The following GALNT17 variants were observed in gnomAD, a reference collection of about 807,000 sequenced individuals.
GALNT17 encodes the protein UDP-GalNAc:polypeptide N-acetylgalactosaminyltransferase-like 3.
Under a neutral mutation model 63.7 loss-of-function variants are expected in GALNT17, and 29 were observed. The ratio of observed to expected loss-of-function variants is 0.46; its 90% confidence interval spans 0.34 to 0.62. The LOEUF is 0.62. Ranked by LOEUF, GALNT17 falls within the 20% of genes least tolerant of loss-of-function variation. The pLI, the probability that GALNT17 is intolerant of heterozygous loss-of-function variation, is 0.01. For missense variants in GALNT17, 603 were observed against 799.6 expected, an observed-to-expected ratio of 0.75 and a Z score of 2.97; for synonymous variants, 305 against 318.3, an observed-to-expected ratio of 0.96 and a Z score of 0.45.
At chr7:71,442,363 AT>A (rs1165680135) in intron 5 of GALNT17, among the ~76,000 whole-genome samples, 7 of 151,788 alleles carry the variant, frequency 4.6e-5, no homozygotes, top group Non-Finnish European at 1.0e-4. Flanking sequence ...TGCCCGGCTA[AT>A]TTTTTTGTAT....
intron 9 of GALNT17, among the ~76,000 whole-genome samples, chr7:71,703,833 A>G (rs1791686447): frequency 6.6e-6 from 1 of 152,162 alleles, no homozygotes; most frequent in Admixed American, 6.6e-5. Flanking sequence ...GACCGAAGGA[A>G]ATGAGAGTGA....
chr7:71,184,049 G>A (rs913827176), intron 1 of GALNT17, among the ~76,000 whole-genome samples: 1 of 152,104 alleles, frequency 6.6e-6, no homozygotes, highest in East Asian at 1.9e-4. Context: ...AGATACGGTC[G>A]TTAACGAGGT....
At chr7:71,402,809 G>C (rs1474238971) in intron 3 of GALNT17, among the ~76,000 whole-genome samples, 1 of 151,178 alleles carries the variant, frequency 6.6e-6, no homozygotes. Context: ...GAGAAGTCTT[G>C]TGTTTCCAAG....
At chr7:71,631,073 T>G (rs1326010042) in intron 6 of GALNT17, among the ~76,000 whole-genome samples, 1 of 152,080 alleles carries the variant, frequency 6.6e-6, no homozygotes, top group Non-Finnish European at 1.5e-5. Context: ...AGCAAATAAA[T>G]ACATAATTTG....
intron 6 of GALNT17, among the ~76,000 whole-genome samples, chr7:71,632,130 C>G (rs1476037926): frequency 6.6e-6 from 1 of 151,996 alleles, no homozygotes; most frequent in Non-Finnish European, 1.5e-5. Flanking sequence ...CTGAGAGAGC[C>G]CTTTCTTCAG....
chr7:71,300,373 C>G (rs1056541627), intron 1 of GALNT17: 17 of 445,338 alleles, frequency 3.8e-5, no homozygotes, highest in African/African-American at 2.0e-4. Context: ...TCTTGGTGTG[C>G]TGGCAGACAC....
intron 5 of GALNT17, among the ~76,000 whole-genome samples, chr7:71,570,397 C>A (rs1182083691): frequency 6.6e-6 from 1 of 152,142 alleles, no homozygotes; most frequent in East Asian, 1.9e-4. Flanking sequence ...TTTCTTCCAG[C>A]ATAACGTGGA....
Position 71,377,111 on chromosome 7 carries a change from AAAAATATAT to A in GALNT17, c.423-11122_423-11114del, listed in dbSNP as rs1563047541. 3.3e-3 allele frequency among the ~76,000 whole-genome samples: 256 copies of A among 78,690 alleles called. 15 individuals are homozygous for A. The highest frequency in any genetic ancestry group is 4.9e-3 in the Non-Finnish European group (198 of 40,588). The allele number at this position is 78,690 out of a possible 152,430, so 51.6% of individuals were successfully genotyped here. ...AAAAAAAAAAAAAAATAAAAATAAAAAAAATATATATATATATATATATATATATAAAAT... is the reference window on the plus strand; with the variant it reads ...AAAAAAAAAAAAAAATAAAAATAAAAATATATATATATATATATATAAAAT... On this transcript the variant is annotated intron_variant, in intron 2 of 10. Transcript: ENST00000333538.
At chr7:71,508,694 C>T (rs982951095) in intron 5 of GALNT17, among the ~76,000 whole-genome samples, 3 of 152,052 alleles carry the variant, frequency 2.0e-5, no homozygotes, top group Non-Finnish European at 2.9e-5. Context: ...CCTTCATGCC[C>T]GGGCTGTGGG....
chr7:71,672,739 C>T (rs1051626558), intron 8 of GALNT17, among the ~76,000 whole-genome samples: 3 of 152,036 alleles, frequency 2.0e-5, no homozygotes, highest in South Asian at 2.1e-4. Context: ...TTTGTAGCAA[C>T]GAGGTTTTGC....
Position 71,571,265 on chromosome 7 carries a change from C to T in GALNT17, c.963-20C>T, listed in dbSNP as rs1266141846. The T allele has an allele frequency of 5.0e-6, 8 of 1,611,088 alleles. No homozygotes were observed. The highest frequency in any genetic ancestry group is 1.6e-4 in the Middle Eastern group (1 of 6,068). ...GGCACTGACACCTCAATGAGCTTCCCTTCTTTCTCCCTCCCTCAGGACCCC... is the reference window on the plus strand; with the variant it reads ...GGCACTGACACCTCAATGAGCTTCCTTTCTTTCTCCCTCCCTCAGGACCCC... On this transcript the variant is annotated intron_variant, in intron 5 of 10. Transcript: ENST00000333538.
chr7:71,447,761 T>C (rs1347030132), intron 5 of GALNT17, among the ~76,000 whole-genome samples: 1 of 152,240 alleles, frequency 6.6e-6, no homozygotes, highest in Non-Finnish European at 1.5e-5. Context: ...TCTGTTTGTT[T>C]CCTTAATTTG....
intron 5 of GALNT17, among the ~76,000 whole-genome samples, chr7:71,499,720 C>T (rs1283467217): frequency 6.6e-6 from 1 of 152,204 alleles, no homozygotes; most frequent in East Asian, 1.9e-4. Flanking sequence ...TCCTCCGGAG[C>T]CATTTCTAAT....
chr7:71,340,106 G>T lies in GALNT17; in HGVS notation c.422+4373G>T, dbSNP rs543876318. Among the ~76,000 whole-genome samples the T allele has an allele frequency of 4.6e-5, 7 of 152,322 alleles. No individual in the cohort carries two copies. The East Asian group carries it at 9.7e-4, about 21-fold the overall frequency. On this transcript the variant is annotated intron_variant, in intron 2 of 10. Transcript: ENST00000333538. ...GCAGAAGAATGCAGTCTAGCCAGAA[G>T]CCCCTAGAGACTCAAGAATTGGAGA...
chr7:71,382,117 C>G (rs150318573), intron 2 of GALNT17, among the ~76,000 whole-genome samples: 1 of 151,934 alleles, frequency 6.6e-6, no homozygotes. Context: ...TGGTGGCTCA[C>G]GCCTGTAATC....
At chr7:71,625,843 C>T (rs901663946) in intron 6 of GALNT17, among the ~76,000 whole-genome samples, 6 of 152,114 alleles carry the variant, frequency 3.9e-5, no homozygotes, top group African/African-American at 1.4e-4. Context: ...CCTTAATCCC[C>T]GGTACCTCCA....
At chr7:71,393,994 G>A (rs186616882) in intron 3 of GALNT17, among the ~76,000 whole-genome samples, 18 of 90,754 alleles carry the variant, frequency 2.0e-4, no homozygotes, top group Admixed American at 1.3e-3. Flanking sequence ...GATTCTCCCC[G>A]ATCTTCTTTT....
chr7:71,325,844 A>C (rs2116034209), intron 1 of GALNT17, among the ~76,000 whole-genome samples: 1 of 152,284 alleles, frequency 6.6e-6, no homozygotes, highest in Admixed American at 6.5e-5. Flanking sequence ...CTGCACTAGA[A>C]GGGAATTTCT....
At chr7:71,510,241 C>A (rs7800470) in intron 5 of GALNT17, among the ~76,000 whole-genome samples, 1 of 152,056 alleles carries the variant, frequency 6.6e-6, no homozygotes, top group Non-Finnish European at 1.5e-5. Flanking sequence ...GCCACTGCAC[C>A]TGGCCCCTGA....
Sources: gnomAD v4.1 joint callset for allele counts (sites outside exome capture counted in the v4.1 genomes callset) on GRCh38, gnomAD v4.1.1 for gene constraint, MANE v1.5 for transcripts, NCBI Gene and HGNC (gene_info 2026-07-23, HGNC 2026-07-21) for gene names.